CELF5: variants seen among roughly 807,000 people sequenced by gnomAD.
CELF5 encodes the protein CUGBP Elav-like family member 5.
In CELF5, 6 loss-of-function variants were observed where a neutral mutation model predicts 54.9. That is an observed-to-expected ratio of 0.11 (90% CI 0.06 to 0.22). CELF5 has a LOEUF of 0.22. Among genes scored for constraint, CELF5 ranks in the 10% least tolerant of loss-of-function variants. The pLI, the probability that CELF5 is intolerant of heterozygous loss-of-function variation, is 1.00. For missense variants in CELF5, 401 were observed against 678.6 expected, an observed-to-expected ratio of 0.59 and a Z score of 4.54; for synonymous variants, 271 against 290.9, an observed-to-expected ratio of 0.93 and a Z score of 0.70.
At chr19:3,280,769 A>G (rs2080136191) in intron 5 of CELF5, among the ~76,000 whole-genome samples, 1 of 151,938 alleles carries the variant, frequency 6.6e-6, no homozygotes, top group East Asian at 1.9e-4. Flanking sequence ...CTGGAGTTTC[A>G]GGTGTGGGGT....
intron 1 of CELF5, among the ~76,000 whole-genome samples, chr19:3,240,010 T>A (rs1265602270): frequency 1.5e-5 from 1 of 65,280 alleles, no homozygotes; most frequent in African/African-American, 6.0e-5. Flanking sequence ...TGCAACACAC[T>A]TTTTTTTTTT....
At chr19:3,265,826 A>C (rs2079874090) in intron 2 of CELF5, among the ~76,000 whole-genome samples, 1 of 151,136 alleles carries the variant, frequency 6.6e-6, no homozygotes, top group Non-Finnish European at 1.5e-5. Flanking sequence ...CTTTTTTTTG[A>C]GATGGAGTCT....
intron 2 of CELF5, among the ~76,000 whole-genome samples, chr19:3,271,357 A>T (rs934258173): frequency 6.6e-6 from 1 of 152,014 alleles, no homozygotes; most frequent in African/African-American, 2.4e-5. Flanking sequence ...CCCAGGTGGA[A>T]AGGGCCCCGG....
chr19:3,243,184 T>G (rs2079515890), intron 1 of CELF5, among the ~76,000 whole-genome samples: 1 of 152,018 alleles, frequency 6.6e-6, no homozygotes, highest in African/African-American at 2.4e-5. Context: ...TTTCTTTGGT[T>G]TTTAATTTTT....
intron 1 of CELF5, among the ~76,000 whole-genome samples, chr19:3,232,524 A>G (rs1917317807): frequency 6.6e-6 from 1 of 152,034 alleles, no homozygotes; most frequent in Admixed American, 6.5e-5. Context: ...AGCCTGCGTG[A>G]TAGAGTGAGG....
At chr19:3,232,778 C>T (rs1279803273) in intron 1 of CELF5, among the ~76,000 whole-genome samples, 1 of 151,392 alleles carries the variant, frequency 6.6e-6, no homozygotes, top group Non-Finnish European at 1.5e-5. Context: ...CCCTTCTCTA[C>T]AAAAAATAAA....
chr19:3,229,225 C>T (rs1462096456), intron 1 of CELF5, among the ~76,000 whole-genome samples: 3 of 151,842 alleles, frequency 2.0e-5, no homozygotes, highest in Non-Finnish European at 2.9e-5. Flanking sequence ...GATGTTAATC[C>T]GTCCACCTGT....
intron 10 of CELF5, 91 bp downstream of exon 10, chr19:3,286,116 G>T: frequency 8.6e-7 from 1 of 1,169,034 alleles, no homozygotes; most frequent in Non-Finnish European, 1.1e-6. Flanking sequence ...GGGCCTCTGG[G>T]ACCCGCGGGG....
In CELF5 at chr19:3,282,608, G is replaced by T; in HGVS notation, c.1039+110G>T. 7.8e-7 allele frequency: 1 copy of T among 1,278,352 alleles called. No homozygotes were observed. Among genetic ancestry groups the T allele is most frequent in the South Asian group, 1.4e-5 (1 of 69,838 alleles). The allele number at this position is 1,278,352 out of a possible 1,614,324, so 79.2% of individuals were successfully genotyped here. On this transcript the variant is annotated intron_variant, in intron 8 of 12. Coordinates refer to ENST00000292672, the MANE Select transcript of CELF5 (RefSeq NM_021938.4). This position sits in a 1 kb window ranked among gnomAD's most constrained non-coding sequence, Gnocchi z 5.2. ...ACAGTGCCCAGGGAACAGAAGGGCAGGAAAAAGGGTGTCTCCGCTGAGCAG... is the reference window on the plus strand; with the variant it reads ...ACAGTGCCCAGGGAACAGAAGGGCATGAAAAAGGGTGTCTCCGCTGAGCAG...
intron 2 of CELF5, among the ~76,000 whole-genome samples, chr19:3,264,136 C>T (rs1462710925): frequency 3.3e-5 from 5 of 151,934 alleles, no homozygotes; most frequent in Non-Finnish European, 5.9e-5. Flanking sequence ...TTACTGGATA[C>T]AGTGGTGTGC....
At chr19:3,266,315 G>A (rs1011024174) in intron 2 of CELF5, among the ~76,000 whole-genome samples, 1 of 151,894 alleles carries the variant, frequency 6.6e-6, no homozygotes, top group African/African-American at 2.4e-5. Flanking sequence ...CTAGTCTTCA[G>A]TTTGGTCCCG....
chr19:3,282,322 G>A lies in CELF5; in HGVS notation c.893-30G>A, dbSNP rs1294894056. ...GTGGGCAGGGCTGGAGCCAGAACTG[G>A]CCTCCCCATGACCCTCTTCCGCTCT... On this transcript the variant is annotated intron_variant, in intron 7 of 12. Coordinates refer to ENST00000292672, the MANE Select transcript of CELF5 (RefSeq NM_021938.4). The surrounding 1 kb of genome is among the most constrained non-coding windows in gnomAD (Gnocchi z 5.2). 1 of 1,608,266 alleles carries A rather than the reference G, an allele frequency of 6.2e-7. No individual in the cohort carries two copies. The highest frequency in any genetic ancestry group is 8.5e-7 in the Non-Finnish European group (1 of 1,179,796).
intron 1 of CELF5, among the ~76,000 whole-genome samples, chr19:3,231,143 T>C (rs1239543565): frequency 4.6e-5 from 7 of 152,150 alleles, no homozygotes; most frequent in Admixed American, 4.6e-4. Flanking sequence ...AGGAGTCCAG[T>C]TGGTCTGGAG....
intron 1 of CELF5, among the ~76,000 whole-genome samples, chr19:3,233,701 A>G (rs564052818): frequency 6.6e-6 from 1 of 152,268 alleles, no homozygotes; most frequent in South Asian, 2.1e-4. Flanking sequence ...AGAAGAGGGC[A>G]GAGAGGGAGT....
intron 10 of CELF5, 117 bp from the exon 11 acceptor site, chr19:3,290,114 C>A: frequency 1.4e-6 from 1 of 726,192 alleles, no homozygotes; most frequent in Non-Finnish European, 2.3e-6. Context: ...GTGTCTGAGG[C>A]ACCCCTCTCC....
intron 2 of CELF5, among the ~76,000 whole-genome samples, chr19:3,266,398 G>A (rs941459782): frequency 2.6e-5 from 4 of 151,712 alleles, no homozygotes; most frequent in African/African-American, 9.7e-5. Flanking sequence ...ACTGCAGCCT[G>A]GGTGACAGAG....
intron 1 of CELF5, among the ~76,000 whole-genome samples, chr19:3,245,657 G>A (rs892796976): frequency 6.6e-6 from 1 of 151,794 alleles, no homozygotes; most frequent in Admixed American, 6.6e-5. Context: ...GATCAAACCT[G>A]ATTTCTCTCA....
intron 1 of CELF5, among the ~76,000 whole-genome samples, chr19:3,238,954 G>A (rs567675429): frequency 6.6e-6 from 1 of 152,126 alleles, no homozygotes; most frequent in South Asian, 2.1e-4. Flanking sequence ...TAAAAATTAA[G>A]GATGCTTGTC....
intron 10 of CELF5, among the ~76,000 whole-genome samples, chr19:3,287,570 A>C (rs898321783): frequency 4.6e-5 from 7 of 151,136 alleles, no homozygotes; most frequent in African/African-American, 1.7e-4. Context: ...AAAATAAATA[A>C]GTAAATTAAA....
Sources: allele counts gnomAD v4.1 joint callset (sites outside exome capture counted in the v4.1 genomes callset), GRCh38; gene constraint gnomAD v4.1.1; non-coding constraint Gnocchi (gnomAD v3.1); transcripts MANE v1.5; gene names NCBI Gene and HGNC (gene_info 2026-07-23, HGNC 2026-07-21).